Variants in MAP4K4 observed in about 807,000 individuals in gnomAD.
MAP4K4 encodes the protein mitogen-activated protein kinase kinase kinase kinase 4.
MAP4K4 carries 38 observed loss-of-function variants against 189.6 expected under a neutral mutation model. The ratio of observed to expected loss-of-function variants is 0.20; its 90% CI spans 0.15 to 0.26. The LOEUF is 0.26. MAP4K4 is among the 10% of genes least tolerant of loss of function. The pLI is 1.00. For synonymous variants in MAP4K4, 610 were observed against 624.3 expected, an observed-to-expected ratio of 0.98 and a Z score of 0.34; for missense variants, 1,054 against 1,726.9, an observed-to-expected ratio of 0.61 and a Z score of 6.91.
intron 9 of MAP4K4, among the ~76,000 whole-genome samples, chr2:101,836,626 C>A (rs1477695990): frequency 6.6e-6 from 1 of 151,948 alleles, no homozygotes; most frequent in South Asian, 2.1e-4. Context: ...TGTTGACTTG[C>A]ATTTCCTCAC....
At chr2:101,798,983 G>A (rs2094100703) in intron 3 of MAP4K4, among the ~76,000 whole-genome samples, 1 of 152,202 alleles carries the variant, frequency 6.6e-6, no homozygotes, top group African/African-American at 2.4e-5. Context: ...GTGGTTAGGA[G>A]TGAGTACATT....
chr2:101,859,556 C>A, intron 14 of MAP4K4, 87 bp from the exon 15 acceptor site: 1 of 1,017,334 alleles, frequency 9.8e-7, no homozygotes, highest in Non-Finnish European at 1.4e-6. Context: ...AATATATGGT[C>A]ACTTTTTTTA....
In MAP4K4 at chr2:101,872,812, C is replaced by T. The variant is rs2098086075; in HGVS notation, c.2953-835C>T. Among the ~76,000 whole-genome samples, 3 of 152,136 alleles carry T rather than the reference C, an allele frequency of 2.0e-5. No individual in the cohort carries two copies. In the South Asian group the frequency reaches 6.2e-4, roughly 32 times the overall value. On this transcript the variant is annotated intron_variant, in intron 24 of 32. Transcript: ENST00000324219. ...ACAAAAGCACTTGATCAGACATGTTCCTTTTTTCTCCTGAGGTATATATCC... is the reference window on the plus strand; with the variant it reads ...ACAAAAGCACTTGATCAGACATGTTTCTTTTTTCTCCTGAGGTATATATCC...
chr2:101,747,511 AT>A (rs2066270688), intron 2 of MAP4K4, among the ~76,000 whole-genome samples: 1 of 152,092 alleles, frequency 6.6e-6, no homozygotes, highest in South Asian at 2.1e-4. Context: ...AGGGGTAGGA[AT>A]TTTCAAGGGT....
exon 1 of MAP4K4, chr2:101,697,945 G>C: frequency 3.5e-6 from 1 of 285,218 alleles, no homozygotes; most frequent in Non-Finnish European, 5.8e-6. Context: ...GCCGCCGCCC[G>C]CGGCCCCGCG....
At chr2:101,873,260 G>A (rs2098105340) in intron 24 of MAP4K4, among the ~76,000 whole-genome samples, 1 of 152,212 alleles carries the variant, frequency 6.6e-6, no homozygotes, top group South Asian at 2.1e-4. Flanking sequence ...GGACTCTTGG[G>A]TAGGAGAATA....
chr2:101,811,350 G>A (rs1208210696), intron 3 of MAP4K4, among the ~76,000 whole-genome samples: 1 of 123,772 alleles, frequency 8.1e-6, no homozygotes, highest in Non-Finnish European at 1.6e-5. Flanking sequence ...CCAGCATGGC[G>A]ACAGAGTGAG....
rs1393532473 is a variant in MAP4K4, at chr2:101,730,759, G to A, written c.123+32221G>A. Among the ~76,000 whole-genome samples, 4 of 152,062 alleles carry A rather than the reference G, an allele frequency of 2.6e-5. No individual in the cohort carries two copies. The East Asian group carries it at 5.8e-4, about 22-fold the overall frequency. Reference sequence around the variant, plus strand: ...AATCACTTTGACTTAGAAATATGTTGAATAGTGGCCGGGTGTGGTGGCTCA... The same window carrying A: ...AATCACTTTGACTTAGAAATATGTTAAATAGTGGCCGGGTGTGGTGGCTCA... On this transcript the variant is annotated intron_variant, in intron 2 of 32. Coordinates refer to ENST00000324219, the Ensembl canonical transcript of MAP4K4.
chr2:101,852,495 C>G (rs1276378829), intron 12 of MAP4K4, among the ~76,000 whole-genome samples: 1 of 151,844 alleles, frequency 6.6e-6, no homozygotes, highest in Non-Finnish European at 1.5e-5. Flanking sequence ...TTGTGTTGAT[C>G]TAGTAACCAA....
At chr2:101,786,720 C>A (rs572026018) in intron 2 of MAP4K4, among the ~76,000 whole-genome samples, 4 of 152,286 alleles carry the variant, frequency 2.6e-5, no homozygotes, top group Non-Finnish European at 4.4e-5. Context: ...GGGGATCCTG[C>A]TGCCATTGTA....
rs2084985448 is a variant in MAP4K4, at chr2:101,777,667, C to T, written c.124-13053C>T. Among the ~76,000 whole-genome samples the T allele has an allele frequency of 2.0e-5, 3 of 152,318 alleles. No homozygotes were observed. The South Asian group carries it at 6.2e-4, about 32-fold the overall frequency. On this transcript the variant is annotated intron_variant, in intron 2 of 32. Coordinates refer to ENST00000324219, the Ensembl canonical transcript of MAP4K4. The stretch of plus-strand genomic sequence containing the variant: ...GGTTTTCCCTGTAGCTTATTTCCAT[C>T]CTTTTTCTTTTAACTATGAGAACGT...
At chr2:101,784,970 A>G (rs2089914439) in intron 2 of MAP4K4, among the ~76,000 whole-genome samples, 1 of 152,064 alleles carries the variant, frequency 6.6e-6, no homozygotes, top group Admixed American at 6.5e-5. Context: ...AATGCATATA[A>G]AATGCTTGTT....
At chr2:101,857,992 T>TC (rs34679918) in intron 13 of MAP4K4, among the ~76,000 whole-genome samples, 1 of 152,184 alleles carries the variant, frequency 6.6e-6, no homozygotes, top group African/African-American at 2.4e-5. Flanking sequence ...AGAGCTTTTT[T>TC]CCCTGTCCAA....
chr2:101,819,760 C>G (rs2095928614), intron 3 of MAP4K4, among the ~76,000 whole-genome samples: 1 of 152,152 alleles, frequency 6.6e-6, no homozygotes, highest in South Asian at 2.1e-4. Flanking sequence ...TATTGCCAGA[C>G]TTGATTATAT....
At chr2:101,844,593 A>G (rs755954557) in intron 12 of MAP4K4, among the ~76,000 whole-genome samples, 1 of 152,210 alleles carries the variant, frequency 6.6e-6, no homozygotes, top group Non-Finnish European at 1.5e-5. Context: ...AAGTGTCCCA[A>G]AGATGGCATC....
At chr2:101,835,609 G>T (rs1478851850) in intron 8 of MAP4K4, among the ~76,000 whole-genome samples, 5 of 152,184 alleles carry the variant, frequency 3.3e-5, no homozygotes, top group African/African-American at 1.2e-4. Flanking sequence ...CTAACAGATA[G>T]TTTAACAACT....
intron 2 of MAP4K4, among the ~76,000 whole-genome samples, chr2:101,698,974 T>G (rs923640654): frequency 3.9e-5 from 6 of 152,182 alleles, no homozygotes; most frequent in Non-Finnish European, 8.8e-5. Context: ...CTCCACTCAG[T>G]GCTTGCCAGT....
chr2:101,805,486 A>G (rs1370060482), intron 3 of MAP4K4, among the ~76,000 whole-genome samples: 2 of 152,216 alleles, frequency 1.3e-5, no homozygotes, highest in East Asian at 3.9e-4. Context: ...TCCCACTAAC[A>G]TCCAAGTGAA....
chr2:101,770,723 A>G (rs1420649707), intron 2 of MAP4K4, among the ~76,000 whole-genome samples: 2 of 152,292 alleles, frequency 1.3e-5, no homozygotes, highest in Admixed American at 6.5e-5. Flanking sequence ...ATTCTTGCCT[A>G]CTGCCCATGG....
Sources: allele counts gnomAD v4.1 joint callset (sites outside exome capture counted in the v4.1 genomes callset), GRCh38; gene constraint gnomAD v4.1.1; transcripts MANE v1.5; gene names NCBI Gene and HGNC (gene_info 2026-07-23, HGNC 2026-07-21).